Variants in ELFN2 observed in about 807,000 individuals in gnomAD.
ELFN2 encodes the protein protein phosphatase 1 regulatory subunit 29.
A neutral mutation model predicts 45.5 loss-of-function variants in ELFN2; 17 were observed. The observed-to-expected ratio is 0.37, with a 90% CI of 0.26 to 0.56. The LOEUF (loss-of-function observed/expected upper bound fraction) is 0.56. ELFN2 is among the 20% of genes least tolerant of loss of function. The pLI is 0.77. For missense variants in ELFN2, 922 were observed against 1,183.2 expected, an observed-to-expected ratio of 0.78 and a Z score of 3.24; for synonymous variants, 550 against 551.5, an observed-to-expected ratio of 1.00 and a Z score of 0.04.
intron 2 of ELFN2, among the ~76,000 whole-genome samples, chr22:37,415,710 C>T (rs1932753210): frequency 6.6e-6 from 1 of 152,200 alleles, no homozygotes; most frequent in Non-Finnish European, 1.5e-5. Context: ...CGCCTGTAAT[C>T]CCAGCACTTT....
At chr22:37,381,545 C>T (rs1357852569) in intron 2 of ELFN2, among the ~76,000 whole-genome samples, 1 of 151,976 alleles carries the variant, frequency 6.6e-6, no homozygotes, top group Non-Finnish European at 1.5e-5. Flanking sequence ...CCCCTGACCC[C>T]CACCTTCTCT....
rs147275616 is a variant in ELFN2 at position 37,352,973 on chromosome 22, C to T, written n.149-10270G>A. Among the ~76,000 whole-genome samples, 44 of 150,984 alleles carry T rather than the reference C, an allele frequency of 2.9e-4. 1 individual carries two copies. The East Asian group carries it at 6.4e-3, about 22-fold the overall frequency. On this transcript the variant is annotated intron_variant and non_coding_transcript_variant, in intron 1 of 2. Transcript: ENST00000452946. ...ATGCTACAGTGATTCAGGCAAGGGG[C>T]AAAATGGCTGCATAGAAAGGCAGAG... is the stretch of plus-strand genomic sequence containing the variant.
intron 2 of ELFN2, among the ~76,000 whole-genome samples, chr22:37,403,702 C>T (rs1309978950): frequency 6.6e-6 from 1 of 152,230 alleles, no homozygotes; most frequent in Non-Finnish European, 1.5e-5. Flanking sequence ...AGAGACCATC[C>T]GGGACCTCCT....
Position 37,425,945 on chromosome 22 carries a change from G to A in ELFN2, c.-614+1353C>T, listed in dbSNP as rs535203891. ...CAACTTGCATATTAAAACGCCTCTC[G>A]GTAACCGCGCCGGGCAGTCCGCGCC... On this transcript the variant is annotated intron_variant, in intron 1 of 2. Coordinates refer to ENST00000402918, the MANE Select transcript of ELFN2 (RefSeq NM_052906.5). Among the ~76,000 whole-genome samples, 19 of 149,890 alleles carry A rather than the reference G, an allele frequency of 1.3e-4. No homozygotes were observed. The South Asian group carries it at 3.6e-3, about 28-fold the overall frequency.
In ELFN2 at chr22:37,384,522, T is replaced by C. The variant is rs558978702; in HGVS notation, c.-462-8526A>G. 6.9e-3 allele frequency among the ~76,000 whole-genome samples: 502 copies of C among 72,284 alleles called. 2 individuals carry two copies. The highest frequency in any genetic ancestry group is 0.026 in the African/African-American group (482 of 18,412). The allele number at this position is 72,284 out of a possible 152,430, so 47.4% of individuals were successfully genotyped here. ...GATCCCACCTTCCCAACCTGACCCC[T>C]GGCCTCATCCCATTTGACCCCACCT... On this transcript the variant is annotated intron_variant, in intron 2 of 2. Transcript: ENST00000402918.
At chr22:37,425,870 T>C (rs1432922710) in intron 1 of ELFN2, among the ~76,000 whole-genome samples, 19 of 145,760 alleles carry the variant, frequency 1.3e-4, no homozygotes, top group East Asian at 6.3e-4. Context: ...CACATACACA[T>C]ACACACACAC....
At chr22:37,360,298 G>A in intron 1 of ELFN2, among the ~76,000 whole-genome samples, 1 of 152,184 alleles carries the variant, frequency 6.6e-6, no homozygotes, top group East Asian at 1.9e-4. Flanking sequence ...CAGGGAGAGT[G>A]GGCAGCCAGC....
Position 37,370,892 on chromosome 22 carries a change from C to G in ELFN2, c.*2180G>C, listed in dbSNP as rs1324824138. 2 of 151,074 alleles carry G rather than the reference C, an allele frequency of 1.3e-5. No homozygotes were observed. Among genetic ancestry groups the G allele is most frequent in the Non-Finnish European group, 2.9e-5 (2 of 67,918 alleles). The allele number at this position is 151,074 out of a possible 1,614,324, so 9.4% of individuals were successfully genotyped here. A position where few individuals can be genotyped will look rare whatever the true frequency, so the allele number is the denominator to read the frequency against. ...CAGTAAAATCGTCATGCAAATATAA[C>G]AGGGAGTCTGCTTCCTCACACCCCT... On this transcript the variant is annotated 3_prime_UTR_variant, in exon 3 of 3. Coordinates refer to ENST00000402918, the MANE Select transcript of ELFN2 (RefSeq NM_052906.5).
intron 1 of ELFN2, among the ~76,000 whole-genome samples, chr22:37,350,000 C>G (rs574005211): frequency 6.6e-6 from 1 of 150,868 alleles, no homozygotes; most frequent in East Asian, 1.9e-4. Context: ...AGGAGTGGTG[C>G]GCGCCCACAG....
intron 1 of ELFN2, among the ~76,000 whole-genome samples, chr22:37,425,965 C>G (rs954513277): frequency 2.6e-5 from 4 of 151,880 alleles, no homozygotes; most frequent in Admixed American, 6.6e-5. Context: ...CCGGGCAGTC[C>G]GCGCCCCACA....
chr22:37,372,944 G>A lies in ELFN2; in HGVS notation c.*128C>T, dbSNP rs1477157469. ...GGTGTGTGTGTGCGTGCGTGCGTGC[G>A]GGTCTGCATGTGCGTCCTCTCCTGG... On this transcript the variant is annotated 3_prime_UTR_variant, in exon 3 of 3. Transcript: ENST00000402918. This position sits in a 1 kb window ranked among gnomAD's most constrained non-coding sequence, Gnocchi z 4.4. 16 of 1,024,374 alleles carry A rather than the reference G, an allele frequency of 1.6e-5. No homozygotes were observed. The East Asian group carries it at 1.6e-4, about 10-fold the overall frequency. The allele number at this position is 1,024,374 out of a possible 1,614,324, so 63.5% of individuals were successfully genotyped here. A position where few individuals can be genotyped will look rare whatever the true frequency, so the allele number is the denominator to read the frequency against.
At position 37,386,527 on chromosome 22, in the gene ELFN2, G is replaced by T. The variant is rs188045250; in HGVS notation, c.-462-10531C>A. Among the ~76,000 whole-genome samples, 12 of 152,292 alleles carry T rather than the reference G, an allele frequency of 7.9e-5. No homozygotes were observed. The East Asian group carries it at 1.7e-3, about 22-fold the overall frequency. ...GGGGTCAGTATGGACACCAGCTGGG[G>T]TGGCCCAAATTCCCTCCCCCTGGCC... is the stretch of plus-strand genomic sequence containing the variant. On this transcript the variant is annotated intron_variant, in intron 2 of 2. Coordinates refer to ENST00000402918, the MANE Select transcript of ELFN2 (RefSeq NM_052906.5).
chr22:37,424,965 G>A (rs1200122483), intron 1 of ELFN2, among the ~76,000 whole-genome samples: 1 of 151,750 alleles, frequency 6.6e-6, no homozygotes, highest in Non-Finnish European at 1.5e-5. Context: ...CAAGGCCCAT[G>A]GTCTCCTTAA....
chr22:37,401,125 G>A (rs1355537502), intron 2 of ELFN2, among the ~76,000 whole-genome samples: 10 of 152,198 alleles, frequency 6.6e-5, no homozygotes, highest in African/African-American at 2.4e-4. Flanking sequence ...CCTAGGCCAG[G>A]TGGGGCTGCC....
At chr22:37,413,760 C>T (rs1047033545) in intron 2 of ELFN2, among the ~76,000 whole-genome samples, 11 of 152,160 alleles carry the variant, frequency 7.2e-5, no homozygotes, top group African/African-American at 2.4e-4. Flanking sequence ...ACACAGCTAG[C>T]GAGCATCTGG....
intron 2 of ELFN2, among the ~76,000 whole-genome samples, chr22:37,394,747 G>T (rs1932168824): frequency 6.6e-6 from 1 of 152,190 alleles, no homozygotes; most frequent in African/African-American, 2.4e-5. Flanking sequence ...CCTCGCCTGG[G>T]ACTGAGCACT....
intron 1 of ELFN2, among the ~76,000 whole-genome samples, chr22:37,362,351 T>C (rs1931110837): frequency 6.6e-6 from 1 of 152,234 alleles, no homozygotes; most frequent in African/African-American, 2.4e-5. Flanking sequence ...TCATGCTTCC[T>C]ATGACCACAG....
chr22:37,396,232 C>T (rs185811336), intron 2 of ELFN2, among the ~76,000 whole-genome samples: 66 of 152,340 alleles, frequency 4.3e-4, no homozygotes, highest in African/African-American at 1.5e-3. Flanking sequence ...AATTCCCCAT[C>T]AAAAGCTTGA....
At chr22:37,398,062 G>A (rs9607458) in intron 2 of ELFN2, among the ~76,000 whole-genome samples, 5,808 of 152,176 alleles carry the variant, frequency 0.038, 125 homozygotes, top group Middle Eastern at 0.061. Flanking sequence ...GCCACGCTGC[G>A]GGTGGATTAT....
Sources: allele counts gnomAD v4.1 joint callset (sites outside exome capture counted in the v4.1 genomes callset), GRCh38; gene constraint gnomAD v4.1.1; non-coding constraint Gnocchi (gnomAD v3.1); transcripts MANE v1.5; gene names NCBI Gene and HGNC (gene_info 2026-07-23, HGNC 2026-07-21).